NUP210L: variants seen among roughly 807,000 people sequenced by gnomAD.
NUP210L encodes the protein nuclear pore membrane glycoprotein 210-like.
NUP210L carries 74 observed loss-of-function variants against 208.5 expected under a neutral mutation model. The ratio of observed to expected loss-of-function variants is 0.35; its 90% CI spans 0.29 to 0.43. The LOEUF is 0.43. NUP210L is among the 20% of genes least tolerant of loss of function. NUP210L has a pLI of 1.00. For missense variants in NUP210L, 1,843 were observed against 2,289.4 expected (o/e 0.81, Z 3.98); for synonymous variants, 780 against 816.9 (o/e 0.95, Z 0.77).
intron 16 of NUP210L, among the ~76,000 whole-genome samples, chr1:154,075,319 T>C (rs1443036074): frequency 6.6e-6 from 1 of 152,144 alleles, no homozygotes; most frequent in Non-Finnish European, 1.5e-5. Flanking sequence ...CACGTATACA[T>C]ATATATACAC....
intron 14 of NUP210L, among the ~76,000 whole-genome samples, chr1:154,095,383 A>G (rs1297064151): frequency 6.6e-6 from 1 of 152,190 alleles, no homozygotes; most frequent in African/African-American, 2.4e-5. Flanking sequence ...ATTTGTGTCC[A>G]GTCATTCTAG....
At chr1:154,080,604 G>A (rs576735164) in intron 16 of NUP210L, among the ~76,000 whole-genome samples, 1 of 151,960 alleles carries the variant, frequency 6.6e-6, no homozygotes, top group Non-Finnish European at 1.5e-5. Flanking sequence ...AGAATCACTT[G>A]AACCCAGGAG....
chr1:154,115,268 C>T (rs1029959531), intron 12 of NUP210L, among the ~76,000 whole-genome samples: 1 of 152,180 alleles, frequency 6.6e-6, no homozygotes, highest in African/African-American at 2.4e-5. Context: ...CCATTGTCTA[C>T]AGCAAGGATT....
At chr1:154,024,958 C>G (rs1651783244) in intron 30 of NUP210L, among the ~76,000 whole-genome samples, 3 of 104,862 alleles carry the variant, frequency 2.9e-5, no homozygotes, top group Admixed American at 1.3e-4. Context: ...GAGATGGAGT[C>G]TTGCTGTCGC....
chr1:154,136,037 C>A (rs1207145776), intron 6 of NUP210L, 65 bp from the exon 7 acceptor site: 2 of 1,098,796 alleles, frequency 1.8e-6, no homozygotes, highest in Non-Finnish European at 1.4e-6. Context: ...ATGATGTATT[C>A]TTGATCATAA....
chr1:154,094,467 A>G (rs955101037), intron 15 of NUP210L, among the ~76,000 whole-genome samples: 6 of 152,156 alleles, frequency 3.9e-5, no homozygotes, highest in African/African-American at 1.4e-4. Context: ...CTAAATAAAT[A>G]AATAAAAATA....
chr1:154,064,652 G>A (rs1654309114), intron 17 of NUP210L, among the ~76,000 whole-genome samples: 3 of 152,106 alleles, frequency 2.0e-5, no homozygotes, highest in African/African-American at 7.2e-5. Context: ...AGTATATGAG[G>A]GAAAAGCCAT....
chr1:154,001,953 G>T, exon 36 of NUP210L: 1 of 1,613,978 alleles, frequency 6.2e-7, no homozygotes. Flanking sequence ...TCCTCTGACT[G>T]CGGTCGAACC....
intron 3 of NUP210L, among the ~76,000 whole-genome samples, chr1:154,142,916 C>T (rs536277422): frequency 1.3e-5 from 2 of 151,064 alleles, no homozygotes; most frequent in African/African-American, 2.4e-5. Context: ...TGGCCAGGCG[C>T]GGTGGCTCAC....
chr1:154,146,631 C>CAA (rs1329703075), intron 2 of NUP210L, among the ~76,000 whole-genome samples: 1 of 132,136 alleles, frequency 7.6e-6, no homozygotes, highest in African/African-American at 2.8e-5. Context: ...CCCCCCCCAC[C>CAA]AAAAAAAGAG....
At chr1:154,003,641 C>T (rs775480903) in intron 35 of NUP210L, among the ~76,000 whole-genome samples, 14 of 151,164 alleles carry the variant, frequency 9.3e-5, no homozygotes, top group Admixed American at 1.3e-4. Context: ...TACAGGTGCG[C>T]GCCACCATGC....
At chr1:154,116,480 G>A (rs1657343584) in intron 12 of NUP210L, among the ~76,000 whole-genome samples, 1 of 150,828 alleles carries the variant, frequency 6.6e-6, no homozygotes, top group African/African-American at 2.4e-5. Flanking sequence ...TGTAATCCTT[G>A]CACTTTGGAA....
At chr1:154,133,513 G>A (rs567395059) in intron 7 of NUP210L, among the ~76,000 whole-genome samples, 5 of 149,916 alleles carry the variant, frequency 3.3e-5, no homozygotes, top group South Asian at 4.2e-4. Flanking sequence ...CTCTAACCTG[G>A]GCATCAGAGT....
At chr1:154,006,944 GTGTA>G (rs1360985728) in intron 35 of NUP210L, among the ~76,000 whole-genome samples, 56 of 97,826 alleles carry the variant, frequency 5.7e-4, no homozygotes, top group African/African-American at 1.9e-3. Context: ...GTGTGTGTGT[GTGTA>G]TATATATATA....
intron 4 of NUP210L, among the ~76,000 whole-genome samples, chr1:154,140,855 G>A (rs569797383): frequency 2.6e-5 from 4 of 151,604 alleles, no homozygotes; most frequent in African/African-American, 7.2e-5. Flanking sequence ...TTAGCTGGGC[G>A]TGGTGGCGGG....
At chr1:154,101,294 G>A (rs1413963074) in intron 13 of NUP210L, among the ~76,000 whole-genome samples, 1 of 151,768 alleles carries the variant, frequency 6.6e-6, no homozygotes, top group Non-Finnish European at 1.5e-5. Context: ...TGGCCAATAT[G>A]GTGAAACCCC....
At chr1:154,056,484 A>G (rs1436122352) in intron 23 of NUP210L, among the ~76,000 whole-genome samples, 1 of 151,818 alleles carries the variant, frequency 6.6e-6, no homozygotes, top group African/African-American at 2.4e-5. Flanking sequence ...GCACAATCAC[A>G]GCTCACTGCA....
intron 25 of NUP210L, among the ~76,000 whole-genome samples, chr1:154,053,884 G>C (rs1443890756): frequency 1.3e-5 from 2 of 151,950 alleles, no homozygotes; most frequent in Non-Finnish European, 1.5e-5. Context: ...GCTGGGTTAG[G>C]GTCTCCACAA....
At position 154,078,709 on chromosome 1, in the gene NUP210L, A is replaced by G. The variant is rs117049924; in HGVS notation, c.2362-8244T>C. On this transcript the variant is annotated intron_variant, in intron 16 of 39. Transcript: ENST00000368559. ...AACAAGGGACAGGAAATGGGTTTATATCGGAGCAAAGGTTTTATACACTAC... is the reference window on the plus strand; with the variant it reads ...AACAAGGGACAGGAAATGGGTTTATGTCGGAGCAAAGGTTTTATACACTAC... Among the ~76,000 whole-genome samples, 72 of 152,288 alleles carry G rather than the reference A, an allele frequency of 4.7e-4. 1 individual carries two copies. The East Asian group carries it at 0.014, about 29-fold the overall frequency.
Sources: gnomAD v4.1 joint callset for allele counts (sites outside exome capture counted in the v4.1 genomes callset) on GRCh38, gnomAD v4.1.1 for gene constraint, MANE v1.5 for transcripts, NCBI Gene and HGNC (gene_info 2026-07-23, HGNC 2026-07-21) for gene names.